EYA2: variants seen among roughly 807,000 people sequenced by gnomAD.
EYA2 encodes EYA transcriptional coactivator and phosphatase 2.
Under a neutral mutation model 69.2 loss-of-function variants are expected in EYA2, and 31 were observed. The ratio of observed to expected loss-of-function variants is 0.45; its 90% CI spans 0.34 to 0.60. EYA2 has a LOEUF of 0.60. EYA2 is among the 20% of genes least tolerant of loss of function. The pLI is 0.02. For synonymous variants in EYA2, 257 were observed against 279.4 expected (o/e 0.92, Z 0.80); for missense variants, 622 against 701.2 (o/e 0.89, Z 1.28).
At chr20:46,950,352 C>T (rs1041322316) in intron 1 of EYA2, among the ~76,000 whole-genome samples, 1 of 152,180 alleles carries the variant, frequency 6.6e-6, no homozygotes, top group Non-Finnish European at 1.5e-5. Flanking sequence ...CTCAAGTACC[C>T]TTCTAGCCCT....
At chr20:46,948,878 G>C (rs895317715) in intron 1 of EYA2, among the ~76,000 whole-genome samples, 1 of 152,142 alleles carries the variant, frequency 6.6e-6, no homozygotes, top group African/African-American at 2.4e-5. Context: ...ATCTATACTT[G>C]TGGAAACCCA....
At chr20:47,035,439 C>T (rs1984644710) in intron 5 of EYA2, among the ~76,000 whole-genome samples, 1 of 152,198 alleles carries the variant, frequency 6.6e-6, no homozygotes, top group Non-Finnish European at 1.5e-5. Context: ...CTGAAGCAGA[C>T]CGTACCAAAT....
intron 4 of EYA2, among the ~76,000 whole-genome samples, chr20:47,012,213 A>G (rs1045100411): frequency 5.3e-5 from 8 of 152,226 alleles, no homozygotes; most frequent in South Asian, 2.1e-4. Flanking sequence ...AGTGGAAGCC[A>G]GTGGAACTTG....
At chr20:47,183,259 G>A (rs1314713996) in intron 14 of EYA2, 32 bp from the exon 15 acceptor site, 3 of 1,608,410 alleles carry the variant, frequency 1.9e-6, no homozygotes, top group East Asian at 4.5e-5. Context: ...TCCTCACAGA[G>A]CGTTTTTTCT....
intron 1 of EYA2, among the ~76,000 whole-genome samples, chr20:46,930,830 G>T (rs1294968884): frequency 1.3e-5 from 2 of 152,210 alleles, no homozygotes; most frequent in African/African-American, 2.4e-5. Flanking sequence ...ACTGTGCCAG[G>T]AACCTTATGG....
At chr20:46,961,571 T>A (rs540881415) in intron 1 of EYA2, among the ~76,000 whole-genome samples, 17 of 152,326 alleles carry the variant, frequency 1.1e-4, no homozygotes, top group Admixed American at 8.5e-4. Context: ...TGCACTCTCA[T>A]GTTCATTGCA....
intron 11 of EYA2, among the ~76,000 whole-genome samples, chr20:47,170,204 G>A (rs527344870): frequency 9.9e-4 from 150 of 151,450 alleles, no homozygotes; most frequent in Admixed American, 2.1e-3. Context: ...CACCGCACCC[G>A]ACCAGCATGC....
At chr20:47,081,300 TGA>T (rs775324663) in intron 7 of EYA2, among the ~76,000 whole-genome samples, 2 of 152,100 alleles carry the variant, frequency 1.3e-5, no homozygotes, top group Non-Finnish European at 2.9e-5. Flanking sequence ...TGAAACTTGC[TGA>T]GAGAGTAGAT....
At position 47,188,430 on chromosome 20, in the gene EYA2, G is replaced by A; in HGVS notation, c.*297G>A. ...AAGCAAGGAATTGCTGATTTGGGGG[G>A]TGCCTGGTGATGAGGAGGGGATGGG... On this transcript the variant is annotated 3_prime_UTR_variant, in exon 16 of 16. Coordinates refer to ENST00000327619, the MANE Select transcript of EYA2 (RefSeq NM_005244.5). 1 of 559,436 alleles carries A rather than the reference G, an allele frequency of 1.8e-6. No individual in the cohort carries two copies. Among genetic ancestry groups the A allele is most frequent in the Non-Finnish European group, 3.2e-6 (1 of 315,050 alleles). The allele number at this position is 559,436 out of a possible 1,614,324, so 34.7% of individuals were successfully genotyped here.
chr20:47,110,070 A>G (rs1199557821), intron 9 of EYA2, among the ~76,000 whole-genome samples: 2 of 152,092 alleles, frequency 1.3e-5, no homozygotes, highest in East Asian at 3.9e-4. Flanking sequence ...GACTGCTCTG[A>G]GCTTTACACC....
Position 47,072,615 on chromosome 20 carries a change from C to T in EYA2, c.483+363C>T, listed in dbSNP as rs192657861. Among the ~76,000 whole-genome samples, 334 of 152,264 alleles carry T rather than the reference C, an allele frequency of 2.2e-3. 1 individual carries two copies. Among genetic ancestry groups the T allele is most frequent in the Admixed American group, 6.9e-3 (105 of 15,294 alleles). ...CAAGGGGGACCGTATATCTTGCTCA[C>T]CTCTGCATCCCCAGTGGTGAGAGCC... On this transcript the variant is annotated intron_variant, in intron 6 of 15. Transcript: ENST00000327619.
chr20:47,174,588 A>G (rs6018317), intron 12 of EYA2, among the ~76,000 whole-genome samples: 87,050 of 152,088 alleles, frequency 0.57, 26,828 homozygotes, highest in African/African-American at 0.82. Context: ...CGTCGTGTTC[A>G]TGGCTGCGGT....
chr20:46,965,994 C>T (rs1039604130), intron 1 of EYA2, among the ~76,000 whole-genome samples: 10 of 152,192 alleles, frequency 6.6e-5, no homozygotes, highest in African/African-American at 2.2e-4. Context: ...GTGCCCATGG[C>T]GGCTGGGACT....
At chr20:46,990,453 G>C (rs917471066) in intron 2 of EYA2, among the ~76,000 whole-genome samples, 3 of 152,290 alleles carry the variant, frequency 2.0e-5, no homozygotes, top group Non-Finnish European at 2.9e-5. Flanking sequence ...GTCTGTTTCT[G>C]GCTCTGAGCT....
chr20:47,057,309 G>A (rs939765887), intron 5 of EYA2, among the ~76,000 whole-genome samples: 8 of 152,190 alleles, frequency 5.3e-5, no homozygotes, highest in Non-Finnish European at 1.2e-4. Context: ...GCTGCAGCCA[G>A]GTCTTTGCCT....
Position 47,016,315 on chromosome 20 carries a change from G to T in EYA2, c.415+18G>T, listed in dbSNP as rs1302430979. On this transcript the variant is annotated intron_variant, in intron 5 of 15. Transcript: ENST00000327619. ...GATGCACGGTCAGTGTGGCGCTGTG[G>T]CCCCTTCCTGCCCATCTCTAAGGAC... The T allele has an allele frequency of 6.3e-7, 1 of 1,583,574 alleles. No homozygotes were observed. The highest frequency in any genetic ancestry group is 2.2e-5 in the East Asian group (1 of 44,716).
At chr20:46,972,763 G>T (rs1459495473) in intron 1 of EYA2, among the ~76,000 whole-genome samples, 3 of 152,052 alleles carry the variant, frequency 2.0e-5, no homozygotes, top group Non-Finnish European at 4.4e-5. Flanking sequence ...ACCTGAGGTA[G>T]CTGCTTAGTC....
chr20:47,091,421 C>T (rs2032080981), intron 8 of EYA2, among the ~76,000 whole-genome samples: 1 of 152,114 alleles, frequency 6.6e-6, no homozygotes, highest in Admixed American at 6.5e-5. Context: ...ATATTTGCTA[C>T]AATTCTTTGG....
chr20:47,148,701 G>A (rs1043595381), intron 10 of EYA2, among the ~76,000 whole-genome samples: 1 of 152,188 alleles, frequency 6.6e-6, no homozygotes, highest in African/African-American at 2.4e-5. Flanking sequence ...TTGCAGGGCA[G>A]GTGAACCCTC....
Sources: allele counts gnomAD v4.1 joint callset (sites outside exome capture counted in the v4.1 genomes callset), GRCh38; gene constraint gnomAD v4.1.1; transcripts MANE v1.5; gene names NCBI Gene and HGNC (gene_info 2026-07-23, HGNC 2026-07-21).